The following GRM5 variants were observed in gnomAD, a reference collection of about 807,000 sequenced individuals.
GRM5 encodes the protein metabotropic glutamate receptor 5.
In GRM5, 19 loss-of-function variants were observed where a neutral mutation model predicts 83.1. The observed-to-expected ratio is 0.23, with a 90% CI of 0.16 to 0.34. The LOEUF is 0.34. Ranked by LOEUF, GRM5 falls within the 10% of genes least tolerant of loss-of-function variation. The pLI, the probability that GRM5 is intolerant of heterozygous loss-of-function variation, is 1.00. For synonymous variants in GRM5, 675 were observed against 633.6 expected (o/e 1.07, Z -0.98); for missense variants, 1,160 against 1,588.3 (o/e 0.73, Z 4.58).
At chr11:88,991,083 G>A (rs116015497) in intron 2 of GRM5, among the ~76,000 whole-genome samples, 1 of 152,174 alleles carries the variant, frequency 6.6e-6, no homozygotes, top group Non-Finnish European at 1.5e-5. Flanking sequence ...GTCCCTCTTT[G>A]CAGACGACAT....
Position 88,809,767 on chromosome 11 carries a change from G to A in GRM5, c.911+40139C>T, listed in dbSNP as rs916218510. On this transcript the variant is annotated intron_variant, in intron 3 of 9. Coordinates refer to ENST00000305447, the MANE Select transcript of GRM5 (RefSeq NM_001143831.3). The stretch of plus-strand genomic sequence containing the variant: ...AGACCAGGTATAATGCAGTTAATAT[G>A]TCAAAAAAAAAAAGTTGAGGAGATT... 5.3e-4 allele frequency among the ~76,000 whole-genome samples: 60 copies of A among 112,750 alleles called. 1 individual carries two copies. Among genetic ancestry groups the A allele is most frequent in the African/African-American group, 2.7e-3 (59 of 22,230 alleles). 74.0% of individuals were successfully genotyped at this position (112,750 alleles called of 152,430 possible).
intron 2 of GRM5, among the ~76,000 whole-genome samples, chr11:88,862,331 T>A (rs1944579501): frequency 6.6e-6 from 1 of 152,184 alleles, no homozygotes; most frequent in Non-Finnish European, 1.5e-5. Flanking sequence ...TACATTGTTT[T>A]GTTATATATA....
At chr11:88,663,327 A>G (rs566707990) in intron 3 of GRM5, among the ~76,000 whole-genome samples, 2 of 152,314 alleles carry the variant, frequency 1.3e-5, no homozygotes, top group South Asian at 4.1e-4. Context: ...TTGTGGCTCC[A>G]GGGATGCTTC....
intron 7 of GRM5, among the ~76,000 whole-genome samples, chr11:88,583,969 A>G (rs1055822323): frequency 6.6e-6 from 1 of 151,930 alleles, no homozygotes; most frequent in African/African-American, 2.4e-5. Flanking sequence ...TACCCAAACC[A>G]CTGGTAGATT....
chr11:88,950,183 T>C (rs2135677623), intron 2 of GRM5, among the ~76,000 whole-genome samples: 1 of 152,230 alleles, frequency 6.6e-6, no homozygotes, highest in South Asian at 2.1e-4. Flanking sequence ...CGAATTTCCT[T>C]GTTATCTATT....
chr11:88,523,518 A>G (rs1319867475), intron 9 of GRM5, among the ~76,000 whole-genome samples: 1 of 152,166 alleles, frequency 6.6e-6, no homozygotes, highest in Admixed American at 6.5e-5. Flanking sequence ...AGTCACTTCC[A>G]CAAAATGATC....
At chr11:88,966,323 A>G (rs1478245293) in intron 2 of GRM5, among the ~76,000 whole-genome samples, 2 of 152,146 alleles carry the variant, frequency 1.3e-5, no homozygotes, top group Non-Finnish European at 2.9e-5. Flanking sequence ...AACAAATTAG[A>G]GAATGAAGAG....
At chr11:88,615,340 A>G (rs886820652) in intron 4 of GRM5, among the ~76,000 whole-genome samples, 2 of 152,168 alleles carry the variant, frequency 1.3e-5, no homozygotes, top group African/African-American at 4.8e-5. Flanking sequence ...AACTTTTGTA[A>G]TTTCTTATTA....
At chr11:88,602,042 G>T (rs765013773) in intron 5 of GRM5, among the ~76,000 whole-genome samples, 2 of 150,634 alleles carry the variant, frequency 1.3e-5, no homozygotes, top group Admixed American at 1.3e-4. Flanking sequence ...ATTTCTTATC[G>T]GTAATTGTGA....
intron 3 of GRM5, among the ~76,000 whole-genome samples, chr11:88,681,164 A>T (rs1940475404): frequency 6.6e-6 from 1 of 152,130 alleles, no homozygotes; most frequent in Admixed American, 6.6e-5. Context: ...CAGGACATTC[A>T]AATTTACACA....
intron 3 of GRM5, among the ~76,000 whole-genome samples, chr11:88,767,368 T>C (rs980229205): frequency 6.6e-5 from 10 of 151,944 alleles, no homozygotes; most frequent in African/African-American, 2.2e-4. Context: ...TAAAAACACA[T>C]GTATGTGTAT....
intron 3 of GRM5, among the ~76,000 whole-genome samples, chr11:88,803,481 A>G (rs1212787640): frequency 6.6e-6 from 1 of 151,800 alleles, no homozygotes; most frequent in African/African-American, 2.4e-5. Context: ...CTGGCTAGCC[A>G]TATGTAGAAA....
At chr11:88,798,734 G>C (rs147974043) in intron 3 of GRM5, among the ~76,000 whole-genome samples, 72 of 147,502 alleles carry the variant, frequency 4.9e-4, no homozygotes, top group African/African-American at 1.7e-3. Context: ...AGAGAAAGCT[G>C]GGATTGAAAT....
chr11:88,597,249 A>G lies in GRM5; in HGVS notation c.1498T>C (p.Trp500Arg), dbSNP rs943022682. 8 of 1,608,318 alleles carry G rather than the reference A, an allele frequency of 5.0e-6. No individual in the cohort carries two copies. The highest frequency in any genetic ancestry group is 6.8e-6 in the Non-Finnish European group (8 of 1,175,240). ...GELKMDDDEVWSKKSNIIRSV... is the reference protein window; with the variant it reads ...GELKMDDDEVRSKKSNIIRSV... ...CTGATGATGTTGCTTTTCTTGGACC[A>G]TACTTCATCATCATCCATTTTTAAT... Residue 500 changes from tryptophan to arginine, a missense_variant, in exon 6 of 10, where the codon TGG (tryptophan) becomes CGG (arginine). Transcript: ENST00000305447.
At chr11:89,053,819 G>A (rs1270017112) in intron 1 of GRM5, among the ~76,000 whole-genome samples, 1 of 152,142 alleles carries the variant, frequency 6.6e-6, no homozygotes, top group Non-Finnish European at 1.5e-5. Context: ...AAAGGAATGA[G>A]TCATGCAGAT....
At chr11:88,882,698 T>C (rs1454815021) in intron 2 of GRM5, among the ~76,000 whole-genome samples, 2 of 152,156 alleles carry the variant, frequency 1.3e-5, no homozygotes, top group African/African-American at 2.4e-5. Flanking sequence ...AATAATTTCA[T>C]TGAATTCAAG....
intron 8 of GRM5, among the ~76,000 whole-genome samples, chr11:88,533,834 G>A (rs940657094): frequency 6.6e-6 from 1 of 152,156 alleles, no homozygotes; most frequent in Non-Finnish European, 1.5e-5. Context: ...AGGCTTAGGA[G>A]GAAAAAGTGG....
intron 1 of GRM5, among the ~76,000 whole-genome samples, chr11:89,050,538 A>C (rs867537691): frequency 5.3e-5 from 8 of 152,316 alleles, no homozygotes; most frequent in African/African-American, 1.9e-4. Flanking sequence ...AGGAATCACC[A>C]CGCTGACTTC....
chr11:88,824,822 G>GGT (rs1157838272), intron 3 of GRM5, among the ~76,000 whole-genome samples: 3 of 151,984 alleles, frequency 2.0e-5, no homozygotes, highest in African/African-American at 7.3e-5. Flanking sequence ...CCTACATATG[G>GGT]ATATGTGTGT....
Sources: gnomAD v4.1 joint callset for allele counts (sites outside exome capture counted in the v4.1 genomes callset) on GRCh38, gnomAD v4.1.1 for gene constraint, MANE v1.5 for transcripts, NCBI Gene and HGNC (gene_info 2026-07-23, HGNC 2026-07-21) for gene names.